ATP2B1: variants seen among roughly 807,000 people sequenced by gnomAD.
ATP2B1 encodes plasma membrane calcium-transporting ATPase 1.
Under a neutral mutation model 124.2 loss-of-function variants are expected in ATP2B1, and 14 were observed. That is an observed-to-expected ratio of 0.11 (90% CI 0.07 to 0.18). The LOEUF is 0.18. Ranked by LOEUF, ATP2B1 falls within the 10% of genes least tolerant of loss-of-function variation. The pLI is 1.00. For missense variants in ATP2B1, 763 were observed against 1,466.1 expected, an observed-to-expected ratio of 0.52 and a Z score of 7.83; for synonymous variants, 449 against 492.4, an observed-to-expected ratio of 0.91 and a Z score of 1.17.
intron 1 of ATP2B1, among the ~76,000 whole-genome samples, chr12:89,668,291 A>G (rs1887548322): frequency 6.6e-6 from 1 of 152,320 alleles, no homozygotes; most frequent in Non-Finnish European, 1.5e-5. Context: ...ACAGAGGCTA[A>G]CAGATTGCTT....
At chr12:89,691,148 C>T (rs751370410) in intron 1 of ATP2B1, among the ~76,000 whole-genome samples, 2 of 151,896 alleles carry the variant, frequency 1.3e-5, no homozygotes, top group Non-Finnish European at 2.9e-5. Flanking sequence ...AGCATTTGGG[C>T]ATGTAAACTG....
intron 6 of ATP2B1, among the ~76,000 whole-genome samples, chr12:89,629,565 G>A (rs779831141): frequency 6.6e-6 from 1 of 152,078 alleles, no homozygotes; most frequent in African/African-American, 2.4e-5. Context: ...AGATTTTATA[G>A]CTAACAGCAA....
chr12:89,649,503 A>G (rs1256579581), intron 2 of ATP2B1, among the ~76,000 whole-genome samples: 1 of 152,220 alleles, frequency 6.6e-6, no homozygotes, highest in African/African-American at 2.4e-5. Flanking sequence ...GGTAAAACCA[A>G]TGCCTGTACC....
chr12:89,679,673 T>G (rs2136620541), intron 1 of ATP2B1, among the ~76,000 whole-genome samples: 1 of 152,212 alleles, frequency 6.6e-6, no homozygotes, highest in Non-Finnish European at 1.5e-5. Context: ...AATGCAAATC[T>G]GAGGGTACAT....
chr12:89,700,402 C>T (rs10745510), intron 1 of ATP2B1, among the ~76,000 whole-genome samples: 137,303 of 152,166 alleles, frequency 0.9, 62,714 homozygotes, highest in East Asian at 1. Flanking sequence ...GGAGTGTCCA[C>T]ACTTAAGTAC....
chr12:89,651,699 T>C (rs1885276233), intron 2 of ATP2B1, among the ~76,000 whole-genome samples: 1 of 152,208 alleles, frequency 6.6e-6, no homozygotes, highest in African/African-American at 2.4e-5. Context: ...CAGCTACCTC[T>C]TTCTTCATAG....
chr12:89,627,222 T>G (rs1427384931), intron 7 of ATP2B1, among the ~76,000 whole-genome samples: 1 of 152,102 alleles, frequency 6.6e-6, no homozygotes, highest in Non-Finnish European at 1.5e-5. Context: ...TGATCTCCTG[T>G]GATGCGGAAT....
At chr12:89,645,521 A>G (rs1884310414) in intron 2 of ATP2B1, among the ~76,000 whole-genome samples, 1 of 151,920 alleles carries the variant, frequency 6.6e-6, no homozygotes, top group Non-Finnish European at 1.5e-5. Context: ...GGCCAATAGA[A>G]CTCTCTTAGT....
chr12:89,691,905 G>T (rs1214537991), intron 1 of ATP2B1, among the ~76,000 whole-genome samples: 3 of 152,098 alleles, frequency 2.0e-5, no homozygotes, highest in African/African-American at 7.2e-5. Flanking sequence ...GACACAGATT[G>T]CCTGTCACAA....
At chr12:89,604,372 G>C in intron 15 of ATP2B1, 26 bp from the exon 16 acceptor site, 1 of 1,550,172 alleles carries the variant, frequency 6.5e-7, no homozygotes, top group Non-Finnish European at 8.7e-7. Flanking sequence ...TTGTGAATTA[G>C]ACTAAATGTT....
chr12:89,604,427 CAAA>C (rs1876443274), intron 15 of ATP2B1, 81 bp from the exon 16 acceptor site: 1 of 1,122,606 alleles, frequency 8.9e-7, no homozygotes, highest in African/African-American at 1.6e-5. Context: ...ACTTAATAAA[CAAA>C]AAGTTTACCA....
At chr12:89,649,896 G>A (rs1885013389) in intron 2 of ATP2B1, among the ~76,000 whole-genome samples, 2 of 152,130 alleles carry the variant, frequency 1.3e-5, no homozygotes, top group Non-Finnish European at 2.9e-5. Flanking sequence ...AGATCTGGCT[G>A]TTTAAAAGAG....
At chr12:89,627,814 C>A (rs1242815453) in intron 6 of ATP2B1, 98 bp from the exon 7 acceptor site, 7 of 1,290,720 alleles carry the variant, frequency 5.4e-6, no homozygotes, top group Non-Finnish European at 6.7e-6. Flanking sequence ...ACAGTTGTTA[C>A]ACAATGGTGT....
Position 89,598,750 on chromosome 12 carries a change from G to A in ATP2B1, c.3351+367C>T, listed in dbSNP as rs771149758. The stretch of plus-strand genomic sequence containing the variant: ...AAGCATTCACTACATCCATCTGCAA[G>A]GAATCAGAGATTGTGACAGCTTGCT... On this transcript the variant is annotated intron_variant, in intron 20 of 20. Coordinates refer to ENST00000428670, the MANE Select transcript of ATP2B1 (RefSeq NM_001366521.1). 6 of 1,613,678 alleles carry A rather than the reference G, an allele frequency of 3.7e-6. No homozygotes were observed. In the South Asian group the frequency reaches 4.4e-5, roughly 12 times the overall value.
intron 19 of ATP2B1, 136 bp from the exon 20 acceptor site, chr12:89,599,435 T>C: frequency 1.1e-6 from 1 of 918,904 alleles, no homozygotes; most frequent in Non-Finnish European, 1.6e-6. Flanking sequence ...ATCCTGTTGA[T>C]TAGTCTTTCT....
At chr12:89,598,632 G>A in intron 20 of ATP2B1, 1 of 1,613,980 alleles carries the variant, frequency 6.2e-7, no homozygotes, top group Non-Finnish European at 8.5e-7. Flanking sequence ...AACACTACAT[G>A]TGTAGGGGTA....
At chr12:89,706,505 A>G (rs1039203415) in intron 1 of ATP2B1, among the ~76,000 whole-genome samples, 8 of 152,154 alleles carry the variant, frequency 5.3e-5, no homozygotes, top group Admixed American at 2.6e-4. Context: ...GAATATCCAG[A>G]CCATCAATAT....
chr12:89,665,170 C>T (rs571976430), intron 1 of ATP2B1, among the ~76,000 whole-genome samples: 30 of 152,264 alleles, frequency 2.0e-4, no homozygotes, highest in African/African-American at 6.5e-4. Context: ...TGAAAGCAGA[C>T]TACTTTCTAA....
intron 1 of ATP2B1, among the ~76,000 whole-genome samples, chr12:89,704,419 C>T (rs551689752): frequency 6.6e-6 from 1 of 152,064 alleles, no homozygotes; most frequent in South Asian, 2.1e-4. Flanking sequence ...CAAACAAACC[C>T]ATTCATATTT....
Sources: gnomAD v4.1 joint callset for allele counts (sites outside exome capture counted in the v4.1 genomes callset) on GRCh38, gnomAD v4.1.1 for gene constraint, MANE v1.5 for transcripts, NCBI Gene and HGNC (gene_info 2026-07-23, HGNC 2026-07-21) for gene names.